The following CRACD variants were observed in gnomAD, a reference collection of about 807,000 sequenced individuals.
CRACD encodes the protein capping protein-inhibiting regulator of actin dynamics.
CRACD carries 56 observed loss-of-function variants against 106.8 expected under a neutral mutation model. The observed-to-expected ratio is 0.52, with a 90% confidence interval of 0.42 to 0.66. The LOEUF is 0.66. CRACD is among the 30% of genes least tolerant of loss of function. The pLI is 0.00. For missense variants in CRACD, 1,730 were observed against 1,623.2 expected, an observed-to-expected ratio of 1.07 and a Z score of -1.13; for synonymous variants, 754 against 670.8, an observed-to-expected ratio of 1.12 and a Z score of -1.92.
chr4:56,103,349 C>A (rs1299678910), intron 1 of CRACD, among the ~76,000 whole-genome samples: 1 of 152,172 alleles, frequency 6.6e-6, no homozygotes, highest in Non-Finnish European at 1.5e-5. Context: ...TGCCTGTAAT[C>A]TCAGCACTTT....
intron 3 of CRACD, among the ~76,000 whole-genome samples, chr4:56,285,444 C>CT (rs11325494): frequency 2.0e-5 from 3 of 150,366 alleles, no homozygotes; most frequent in African/African-American, 7.4e-5. Flanking sequence ...TAGATAATAA[C>CT]TTTTTTTTTT....
chr4:56,214,476 C>T (rs1738559709), intron 2 of CRACD, among the ~76,000 whole-genome samples: 1 of 151,800 alleles, frequency 6.6e-6, no homozygotes, highest in Admixed American at 6.6e-5. Flanking sequence ...CCTGTAATCC[C>T]AGCTACTTGG....
chr4:56,295,859 A>G (rs867649725), intron 3 of CRACD, among the ~76,000 whole-genome samples: 2 of 152,018 alleles, frequency 1.3e-5, no homozygotes, highest in Admixed American at 6.6e-5. Context: ...ATTTCATAAC[A>G]TTTTTAGGTG....
At chr4:56,299,236 G>A (rs1298870352) in intron 4 of CRACD, among the ~76,000 whole-genome samples, 2 of 152,012 alleles carry the variant, frequency 1.3e-5, no homozygotes, top group African/African-American at 4.8e-5. Context: ...CTACTCGGGT[G>A]GTACCTCCCT....
chr4:56,314,077 C>T lies in CRACD; in HGVS notation c.575C>T (p.Pro192Leu). The change falls in exon 8 of 11, where the codon CCC (proline) becomes CTC (leucine). Residue 192 changes from proline (P) to leucine (L), a missense_variant. By Grantham distance (98) the Pro-to-Leu change is moderately conservative. Transcript: ENST00000682029. This position sits in a 1 kb window ranked among gnomAD's most constrained non-coding sequence, Gnocchi z 4.4. ...QHEQGGLESR[P>L]CLDQNGHPGE... ...GAGCAAGGCGGCCTTGAGAGTCGGC[C>T]CTGCCTGGACCAGAACGGACACCCA... is the stretch of plus-strand genomic sequence containing the variant. The T allele has an allele frequency of 6.2e-7, 1 of 1,614,134 alleles. No homozygotes were observed. The highest frequency in any genetic ancestry group is 8.5e-7 in the Non-Finnish European group (1 of 1,180,032).
At chr4:56,258,555 G>A (rs1305418226) in intron 2 of CRACD, among the ~76,000 whole-genome samples, 1 of 152,172 alleles carries the variant, frequency 6.6e-6, no homozygotes, top group East Asian at 1.9e-4. Context: ...AGTTGACTGA[G>A]GGAGAGAAAA....
At chr4:56,141,216 C>T (rs1026938162) in intron 1 of CRACD, among the ~76,000 whole-genome samples, 10 of 152,144 alleles carry the variant, frequency 6.6e-5, no homozygotes, top group African/African-American at 2.4e-4. Context: ...CAGAGATACA[C>T]ACCAAACAGA....
At chr4:56,088,775 G>A (rs1466456859) in intron 1 of CRACD, among the ~76,000 whole-genome samples, 2 of 151,800 alleles carry the variant, frequency 1.3e-5, no homozygotes, top group East Asian at 3.9e-4. Context: ...TGGAGTGCAG[G>A]AGTGCAGCAG....
intron 2 of CRACD, among the ~76,000 whole-genome samples, chr4:56,214,457 C>T (rs897852744): frequency 8.6e-5 from 13 of 151,576 alleles, no homozygotes; most frequent in East Asian, 2.0e-4. Flanking sequence ...CTGGGTGTGG[C>T]GGCACTTGCC....
At chr4:56,177,699 TTATTTGTCTGTTCAGATTCTC>T (rs1437047278) in intron 1 of CRACD, among the ~76,000 whole-genome samples, 2 of 152,210 alleles carry the variant, frequency 1.3e-5, no homozygotes, top group Non-Finnish European at 2.9e-5. Flanking sequence ...TTATTACTTT[TTATTTGTCTGTTCAGATTCTC>T]TATTTGTTCA....
intron 2 of CRACD, among the ~76,000 whole-genome samples, chr4:56,183,265 TAAAATAAAATAAAA>T: frequency 6.9e-6 from 1 of 144,798 alleles, no homozygotes; most frequent in Non-Finnish European, 1.5e-5. Flanking sequence ...TAAAATAAAA[TAAAATAAAATAAAA>T]TAAAATAAAA....
chr4:56,270,751 T>C (rs562697045), intron 2 of CRACD, among the ~76,000 whole-genome samples: 1 of 152,230 alleles, frequency 6.6e-6, no homozygotes, highest in Admixed American at 6.5e-5. Context: ...TTAATATTTA[T>C]AAAGTTCTTA....
intron 8 of CRACD, among the ~76,000 whole-genome samples, chr4:56,322,747 G>A (rs1443168906): frequency 6.6e-6 from 1 of 152,166 alleles, no homozygotes; most frequent in African/African-American, 2.4e-5. Flanking sequence ...AATGAATTAG[G>A]GCCGGGTGCA....
intron 2 of CRACD, among the ~76,000 whole-genome samples, chr4:56,267,358 G>A (rs1742082933): frequency 6.6e-6 from 1 of 152,152 alleles, no homozygotes; most frequent in Non-Finnish European, 1.5e-5. Context: ...TCCTGACCTC[G>A]TGATCCGCCT....
rs571425041 is a variant in CRACD at position 56,056,596 on chromosome 4, A to C, written c.-336+7297A>C. Among the ~76,000 whole-genome samples the C allele has an allele frequency of 1.1e-4, 10 of 93,804 alleles. No homozygotes were observed. The East Asian group carries it at 1.8e-3, about 17-fold the overall frequency. The allele number at this position is 93,804 out of a possible 152,430, so 61.5% of individuals were successfully genotyped here. On this transcript the variant is annotated intron_variant, in intron 1 of 10. Coordinates refer to ENST00000682029, the MANE Select transcript of CRACD (RefSeq NM_001393381.1). Reference sequence around the variant, plus strand: ...AAAACCCTGTCTCTATAAAAAAAAAACCAAAAAAAAAACAAACAAAAAAAA... The same window carrying C: ...AAAACCCTGTCTCTATAAAAAAAAACCCAAAAAAAAAACAAACAAAAAAAA...
intron 2 of CRACD, among the ~76,000 whole-genome samples, chr4:56,232,749 G>A (rs934147719): frequency 2.5e-5 from 2 of 80,636 alleles, no homozygotes; most frequent in African/African-American, 1.0e-4. Context: ...TTTTGAGATG[G>A]AGTCTCACTC....
At chr4:56,273,684 C>A (rs546813557) in intron 3 of CRACD, among the ~76,000 whole-genome samples, 1 of 152,280 alleles carries the variant, frequency 6.6e-6, no homozygotes, top group Admixed American at 6.5e-5. Context: ...CTGGTTTCAG[C>A]AGAGAACTTG....
At chr4:56,197,368 TA>T (rs944586645) in intron 2 of CRACD, among the ~76,000 whole-genome samples, 1 of 151,860 alleles carries the variant, frequency 6.6e-6, no homozygotes, top group Non-Finnish European at 1.5e-5. Context: ...TCTCTCCCTT[TA>T]AAAAAAATAG....
chr4:56,131,164 T>G (rs1403990585), intron 1 of CRACD, among the ~76,000 whole-genome samples: 2 of 152,224 alleles, frequency 1.3e-5, no homozygotes, highest in Non-Finnish European at 2.9e-5. Flanking sequence ...CTTAGGTTCT[T>G]AAGTCCCGGT....
Sources: gnomAD v4.1 joint callset for allele counts (sites outside exome capture counted in the v4.1 genomes callset) on GRCh38, gnomAD v4.1.1 for gene constraint, Gnocchi (gnomAD v3.1) non-coding constraint, MANE v1.5 for transcripts, NCBI Gene and HGNC (gene_info 2026-07-23, HGNC 2026-07-21) for gene names.